F13A1: variants seen among roughly 807,000 people sequenced by gnomAD.
F13A1 encodes FSF, A subunit.
Under a neutral mutation model 80.1 loss-of-function variants are expected in F13A1, and 47 were observed. The ratio of observed to expected loss-of-function variants is 0.59; its 90% CI spans 0.46 to 0.75. F13A1 has a LOEUF of 0.75. Among genes scored for constraint, F13A1 ranks in the 30% least tolerant of loss-of-function variants. The pLI is 0.00. For synonymous variants in F13A1, 349 were observed against 344.9 expected (o/e 1.01, Z -0.13); for missense variants, 817 against 930.4 (o/e 0.88, Z 1.59).
intron 13 of F13A1, among the ~76,000 whole-genome samples, chr6:6,158,899 T>C (rs1166088580): frequency 8.4e-6 from 1 of 119,120 alleles, no homozygotes; most frequent in Admixed American, 8.2e-5. Flanking sequence ...TCCCCTTTTT[T>C]TCTTTCTTTT....
At chr6:6,205,559 T>C (rs1247468599) in intron 8 of F13A1, among the ~76,000 whole-genome samples, 1 of 152,226 alleles carries the variant, frequency 6.6e-6, no homozygotes, top group Admixed American at 6.5e-5. Context: ...TCCACTCTCT[T>C]CTTAAGCTTC....
At chr6:6,159,972 G>A (rs554047379) in intron 13 of F13A1, among the ~76,000 whole-genome samples, 1 of 152,056 alleles carries the variant, frequency 6.6e-6, no homozygotes, top group Admixed American at 6.5e-5. Context: ...TCAGAAAAAT[G>A]CAACAAAAAT....
intron 11 of F13A1, among the ~76,000 whole-genome samples, chr6:6,175,778 G>C (rs995702672): frequency 6.6e-6 from 1 of 152,256 alleles, no homozygotes; most frequent in Non-Finnish European, 1.5e-5. Context: ...TTCGAGGTGT[G>C]TGTGCTGCTT....
intron 3 of F13A1, among the ~76,000 whole-genome samples, chr6:6,289,435 C>T (rs1758190417): frequency 6.6e-6 from 1 of 151,958 alleles, no homozygotes; most frequent in South Asian, 2.1e-4. Flanking sequence ...TGCAAATACA[C>T]ACACACACAC....
At chr6:6,311,013 C>T (rs1758582323) in intron 2 of F13A1, among the ~76,000 whole-genome samples, 1 of 150,556 alleles carries the variant, frequency 6.6e-6, no homozygotes, top group Admixed American at 6.6e-5. Flanking sequence ...AGCATTTCTC[C>T]TCTTGATTCG....
chr6:6,270,959 T>G (rs1316117350), intron 3 of F13A1, among the ~76,000 whole-genome samples: 1 of 152,162 alleles, frequency 6.6e-6, no homozygotes, highest in Admixed American at 6.5e-5. Flanking sequence ...TTTTGTGATT[T>G]GCATTGGGAA....
intron 3 of F13A1, among the ~76,000 whole-genome samples, chr6:6,275,495 A>G (rs541519669): frequency 3.3e-5 from 5 of 152,148 alleles, no homozygotes; most frequent in Admixed American, 2.6e-4. Context: ...TCAGCCTCCC[A>G]AGTAGCTGGG....
chr6:6,236,382 A>T (rs915769936), intron 6 of F13A1, among the ~76,000 whole-genome samples: 18 of 152,260 alleles, frequency 1.2e-4, no homozygotes, highest in Admixed American at 4.6e-4. Flanking sequence ...CTATGATTTT[A>T]AAATTATTTC....
At position 6,243,053 on chromosome 6, in the gene F13A1, G is replaced by A. The variant is rs1414673062; in HGVS notation, c.798+5259C>T. ...ACTCCAGTGTTCAGACTGGTAGATT[G>A]CCATAAACATTTGTCAAACAAATGA... On this transcript the variant is annotated intron_variant, in intron 6 of 14. Coordinates refer to ENST00000264870, the MANE Select transcript of F13A1 (RefSeq NM_000129.4). The surrounding 1 kb of genome is among the most constrained non-coding windows in gnomAD (Gnocchi z 4.2). 1.3e-5 allele frequency among the ~76,000 whole-genome samples: 2 copies of A among 152,096 alleles called. No individual in the cohort carries two copies. The highest frequency in any genetic ancestry group is 4.8e-5 in the African/African-American group (2 of 41,404).
intron 1 of F13A1, among the ~76,000 whole-genome samples, 173 bp downstream of exon 1, chr6:6,320,414 G>A (rs1478606519): frequency 1.3e-5 from 2 of 152,208 alleles, no homozygotes; most frequent in Non-Finnish European, 2.9e-5. Context: ...TTAGAAGCTG[G>A]GCTGGGCAGG....
intron 9 of F13A1, 49 bp downstream of exon 9, chr6:6,197,169 GCAAAA>G (rs1251538316): frequency 6.4e-7 from 1 of 1,560,904 alleles, no homozygotes; most frequent in Non-Finnish European, 8.8e-7. Flanking sequence ...AAGCATAAAA[GCAAAA>G]CAAAGATCAG....
chr6:6,253,172 G>A (rs1426262117), intron 4 of F13A1, among the ~76,000 whole-genome samples: 40 of 148,670 alleles, frequency 2.7e-4, no homozygotes, highest in Non-Finnish European at 4.0e-4. Context: ...AAGAGAGAGA[G>A]AGAGAGAGAA....
intron 8 of F13A1, chr6:6,206,509 A>G (rs1393572491): frequency 2.1e-6 from 1 of 475,672 alleles, no homozygotes; most frequent in Non-Finnish European, 4.4e-6. Context: ...TTTACCCCCA[A>G]ACTCCCCTTG....
intron 3 of F13A1, among the ~76,000 whole-genome samples, chr6:6,303,270 G>GAA (rs1561685000): frequency 1.3e-5 from 2 of 152,030 alleles, no homozygotes; most frequent in East Asian, 3.9e-4. Context: ...TATTTCAAAT[G>GAA]AACTTTAAGA....
intron 4 of F13A1, 91 bp downstream of exon 4, chr6:6,266,467 C>G (rs1757845496): frequency 1.9e-6 from 3 of 1,599,748 alleles, no homozygotes; most frequent in Non-Finnish European, 2.6e-6. Flanking sequence ...CCATCTTGGC[C>G]TCCCAAAGAG....
rs548443123 is a variant in F13A1 at position 6,250,131 on chromosome 6, C to T, written c.690+680G>A. 1.2e-4 allele frequency among the ~76,000 whole-genome samples: 19 copies of T among 152,286 alleles called. No individual in the cohort carries two copies. Among genetic ancestry groups the T allele is most frequent in the South Asian group, 6.2e-4 (3 of 4,830 alleles). On this transcript the variant is annotated intron_variant, in intron 5 of 14. Transcript: ENST00000264870. The surrounding 1 kb of genome is among the most constrained non-coding windows in gnomAD (Gnocchi z 4.2). Reference sequence around the variant, plus strand: ...GCCAAAACTCCTGAGAAATGACATTCGCCCCCGCTTGTGTCGCTAATTAAA... The same window carrying T: ...GCCAAAACTCCTGAGAAATGACATTTGCCCCCGCTTGTGTCGCTAATTAAA...
At chr6:6,248,546 C>A (rs1757586736) in intron 5 of F13A1, 127 bp from the exon 6 acceptor site, 2 of 729,256 alleles carry the variant, frequency 2.7e-6, no homozygotes, top group Non-Finnish European at 4.8e-6. Context: ...TAGTGATCTC[C>A]CATAATCTTT....
intron 4 of F13A1, among the ~76,000 whole-genome samples, chr6:6,262,905 C>T (rs1251255887): frequency 2.1e-4 from 32 of 152,154 alleles, no homozygotes; most frequent in Admixed American, 2.1e-3. Context: ...ACTTCTCAAC[C>T]TTAGCTCCAA....
At chr6:6,230,692 ACC>A (rs1349009877) in intron 6 of F13A1, among the ~76,000 whole-genome samples, 1 of 152,040 alleles carries the variant, frequency 6.6e-6, no homozygotes, top group East Asian at 1.9e-4. Context: ...TGTCCATTGT[ACC>A]CCCTGCCACC....
Sources: gnomAD v4.1 joint callset for allele counts (sites outside exome capture counted in the v4.1 genomes callset) on GRCh38, gnomAD v4.1.1 for gene constraint, Gnocchi (gnomAD v3.1) non-coding constraint, MANE v1.5 for transcripts, NCBI Gene and HGNC (gene_info 2026-07-23, HGNC 2026-07-21) for gene names.